Variants in GRM1 observed in about 807,000 individuals in gnomAD.
The protein encoded by GRM1 is metabotropic glutamate receptor 1.
A neutral mutation model predicts 90.9 loss-of-function variants in GRM1; 33 were observed. That is an observed-to-expected ratio of 0.36 (90% CI 0.28 to 0.49). The LOEUF is 0.49. Ranked by LOEUF, GRM1 falls within the 20% of genes least tolerant of loss-of-function variation. The probability of loss-of-function intolerance (pLI) is 0.99; values close to 1 mark genes in which losing one functional copy is unlikely to be tolerated. For synonymous variants in GRM1, 700 were observed against 613.2 expected, an observed-to-expected ratio of 1.14 and a Z score of -2.09; for missense variants, 1,190 against 1,534.3, an observed-to-expected ratio of 0.78 and a Z score of 3.75.
intron 2 of GRM1, among the ~76,000 whole-genome samples, chr6:146,299,114 G>A (rs889881359): frequency 2.6e-5 from 4 of 152,132 alleles, no homozygotes; most frequent in African/African-American, 9.7e-5. Flanking sequence ...TCAGATCTTA[G>A]TGTTAAGTGT....
At chr6:146,052,477 G>A (rs906249693) in intron 1 of GRM1, among the ~76,000 whole-genome samples, 2 of 151,898 alleles carry the variant, frequency 1.3e-5, no homozygotes, top group African/African-American at 4.8e-5. Flanking sequence ...GAGAAGGATG[G>A]GGAGTTAGGG....
chr6:146,225,453 G>T (rs1780206472), intron 2 of GRM1, among the ~76,000 whole-genome samples: 1 of 151,950 alleles, frequency 6.6e-6, no homozygotes, highest in Non-Finnish European at 1.5e-5. Context: ...CTGATATGAA[G>T]GAAAGAAAAG....
intron 1 of GRM1, among the ~76,000 whole-genome samples, chr6:146,075,155 A>G (rs964720786): frequency 6.6e-6 from 1 of 152,198 alleles, no homozygotes; most frequent in African/African-American, 2.4e-5. Flanking sequence ...CTTTGCAAAT[A>G]ACAAGGAGAT....
At chr6:146,178,045 C>T (rs1778397224) in intron 2 of GRM1, among the ~76,000 whole-genome samples, 1 of 152,122 alleles carries the variant, frequency 6.6e-6, no homozygotes, top group Non-Finnish European at 1.5e-5. Flanking sequence ...ATTAATGAAT[C>T]AATATTGATA....
intron 2 of GRM1, among the ~76,000 whole-genome samples, chr6:146,267,082 C>G (rs991173958): frequency 6.6e-6 from 1 of 152,158 alleles, no homozygotes; most frequent in East Asian, 1.9e-4. Flanking sequence ...TTATTCCCCC[C>G]ATGTGTCCAT....
intron 1 of GRM1, among the ~76,000 whole-genome samples, chr6:146,072,528 G>C (rs892356885): frequency 6.6e-6 from 1 of 152,002 alleles, no homozygotes; most frequent in Non-Finnish European, 1.5e-5. Context: ...AAACTTAAAT[G>C]TTATTGTCCT....
At chr6:146,262,728 C>T (rs1169126779) in intron 2 of GRM1, among the ~76,000 whole-genome samples, 1 of 151,504 alleles carries the variant, frequency 6.6e-6, no homozygotes, top group Non-Finnish European at 1.5e-5. Flanking sequence ...AAATATGAAA[C>T]ATATGGAACC....
At chr6:146,367,036 C>G (rs1234788700) in intron 5 of GRM1, among the ~76,000 whole-genome samples, 1 of 152,134 alleles carries the variant, frequency 6.6e-6, no homozygotes, top group East Asian at 1.9e-4. Context: ...AGTTTCAGCT[C>G]TGACATTTAA....
intron 1 of GRM1, among the ~76,000 whole-genome samples, chr6:146,076,881 A>T (rs1225576806): frequency 6.6e-6 from 1 of 152,024 alleles, no homozygotes; most frequent in African/African-American, 2.4e-5. Flanking sequence ...AGGCTGTGTT[A>T]TCCCTGCGTA....
chr6:146,030,457 T>C (rs777829668), intron 1 of GRM1, among the ~76,000 whole-genome samples: 1 of 152,214 alleles, frequency 6.6e-6, no homozygotes, highest in South Asian at 2.1e-4. Context: ...TATCAAACTT[T>C]CCATGCAAAG....
intron 7 of GRM1, chr6:146,426,445 G>C: frequency 1.1e-6 from 1 of 894,828 alleles, no homozygotes; most frequent in Non-Finnish European, 1.8e-6. Context: ...CGGAGGTGGA[G>C]GCAATACAGA....
intron 1 of GRM1, among the ~76,000 whole-genome samples, chr6:146,044,856 TTTAG>T (rs1255951383): frequency 1.3e-5 from 2 of 152,104 alleles, no homozygotes; most frequent in Non-Finnish European, 2.9e-5. Context: ...ACAAGGTTAT[TTTAG>T]GCTCTCCTTG....
intron 1 of GRM1, among the ~76,000 whole-genome samples, chr6:146,042,311 C>T (rs1791143238): frequency 6.6e-6 from 1 of 152,038 alleles, no homozygotes; most frequent in African/African-American, 2.4e-5. Flanking sequence ...TGCTAATATG[C>T]ATCCTTGTTC....
chr6:146,068,186 ACT>A (rs1438243499), intron 1 of GRM1, among the ~76,000 whole-genome samples: 2 of 149,536 alleles, frequency 1.3e-5, no homozygotes, highest in Non-Finnish European at 3.0e-5. Flanking sequence ...ATCTCAGCTC[ACT>A]CTGCAAGCTC....
chr6:146,078,353 G>A (rs1582969497), intron 1 of GRM1, among the ~76,000 whole-genome samples: 1 of 152,284 alleles, frequency 6.6e-6, no homozygotes, highest in Admixed American at 6.5e-5. Flanking sequence ...AAGACCTCAA[G>A]ATGAATAACT....
At chr6:146,109,940 A>G (rs1021399397) in intron 1 of GRM1, among the ~76,000 whole-genome samples, 5 of 151,980 alleles carry the variant, frequency 3.3e-5, no homozygotes, top group Non-Finnish European at 7.4e-5. Context: ...AATTTCTCCT[A>G]TTTGGAATGG....
chr6:146,297,689 C>T (rs566123454), intron 2 of GRM1, among the ~76,000 whole-genome samples: 1 of 152,158 alleles, frequency 6.6e-6, no homozygotes, highest in South Asian at 2.1e-4. Context: ...ATTGGATTCA[C>T]GTTTGAAAAG....
chr6:146,157,461 G>C (rs186111157), intron 1 of GRM1, among the ~76,000 whole-genome samples: 47 of 152,216 alleles, frequency 3.1e-4, no homozygotes, highest in Non-Finnish European at 5.6e-4. Flanking sequence ...TACAGTTTTT[G>C]TATATCAATT....
intron 1 of GRM1, among the ~76,000 whole-genome samples, chr6:146,146,031 T>G (rs370996404): frequency 1.1e-4 from 16 of 150,978 alleles, no homozygotes; most frequent in African/African-American, 2.7e-4. Context: ...TAAGGCCTCT[T>G]AACACTTTCT....
Sources: gnomAD v4.1 joint callset for allele counts (sites outside exome capture counted in the v4.1 genomes callset) on GRCh38, gnomAD v4.1.1 for gene constraint, MANE v1.5 for transcripts, NCBI Gene and HGNC (gene_info 2026-07-23, HGNC 2026-07-21) for gene names.